The following JADE1 variants were observed in gnomAD, a reference collection of about 807,000 sequenced individuals.
JADE1 encodes protein Jade-1.
In JADE1, 14 loss-of-function variants were observed where a neutral mutation model predicts 81.8. The observed-to-expected ratio is 0.17, with a 90% CI of 0.11 to 0.27. The LOEUF (loss-of-function observed/expected upper bound fraction) is 0.27. Ranked by LOEUF, JADE1 falls within the 10% of genes least tolerant of loss-of-function variation. The probability of loss-of-function intolerance (pLI) is 1.00; values close to 1 mark genes in which losing one functional copy is unlikely to be tolerated. For missense variants in JADE1, 690 were observed against 1,047.9 expected (o/e 0.66, Z 4.71); for synonymous variants, 353 against 391.9 (o/e 0.90, Z 1.17).
chr4:128,866,099 A>C (rs929881845), intron 9 of JADE1, among the ~76,000 whole-genome samples: 2 of 152,162 alleles, frequency 1.3e-5, no homozygotes, highest in African/African-American at 4.8e-5. Flanking sequence ...CGAAGAGAGG[A>C]GGATGTTAGC....
At chr4:128,838,668 C>T (rs1269760559) in intron 2 of JADE1, among the ~76,000 whole-genome samples, 1 of 152,196 alleles carries the variant, frequency 6.6e-6, no homozygotes, top group East Asian at 1.9e-4. Flanking sequence ...ATTCTAATTT[C>T]TGGTTTGACC....
intron 1 of JADE1, among the ~76,000 whole-genome samples, chr4:128,829,515 G>A (rs1162028310): frequency 6.6e-6 from 1 of 152,182 alleles, no homozygotes; most frequent in African/African-American, 2.4e-5. Flanking sequence ...GATGAATTGT[G>A]TAGATCCATT....
chr4:128,855,865 C>CTGGA, intron 7 of JADE1, 68 bp downstream of exon 7: 1 of 1,412,380 alleles, frequency 7.1e-7, no homozygotes. Context: ...GTCGCCCAGG[C>CTGGA]TGGAGTGCAG....
rs1465333824 is a variant in JADE1 at position 128,852,259 on chromosome 4, T to C, written c.687T>C (p.Cys229=). 1 of 1,613,824 alleles carries C rather than the reference T, an allele frequency of 6.2e-7. No homozygotes were observed. Among genetic ancestry groups the C allele is most frequent in the Admixed American group, 1.7e-5 (1 of 60,016 alleles). The part of the protein sequence containing the change: ...EMVFCDKCNI[C]VHQACYGILK... Reference sequence around the variant, plus strand: ...TGTTCTGTGACAAATGCAACATCTGTGTGCACCAGGTATGTGGGGCAGGGA... The same window carrying C: ...TGTTCTGTGACAAATGCAACATCTGCGTGCACCAGGTATGTGGGGCAGGGA... The change falls in exon 6 of 11, where the codon TGT becomes TGC. Residue 229 remains cysteine (C), a synonymous_variant. Transcript: ENST00000226319.
intron 8 of JADE1, among the ~76,000 whole-genome samples, chr4:128,859,025 GGT>G (rs1731047211): frequency 6.6e-6 from 1 of 152,206 alleles, no homozygotes; most frequent in Admixed American, 6.5e-5. Flanking sequence ...TGAGACAGCT[GGT>G]GGGATTTGGC....
At chr4:128,825,928 C>G (rs1301527002) in intron 1 of JADE1, among the ~76,000 whole-genome samples, 1 of 152,206 alleles carries the variant, frequency 6.6e-6, no homozygotes, top group African/African-American at 2.4e-5. Context: ...TGGTGCATCT[C>G]TTCGTGCAGT....
intron 3 of JADE1, among the ~76,000 whole-genome samples, chr4:128,843,628 T>G (rs1729632668): frequency 6.6e-6 from 1 of 152,240 alleles, no homozygotes; most frequent in Non-Finnish European, 1.5e-5. Flanking sequence ...TTAGGGGTCC[T>G]TATGAGACCT....
chr4:128,824,919 C>T (rs1196528320), intron 1 of JADE1, among the ~76,000 whole-genome samples: 1 of 152,176 alleles, frequency 6.6e-6, no homozygotes, highest in Non-Finnish European at 1.5e-5. Context: ...TAAATGGGCC[C>T]TGTTCCACCA....
At chr4:128,862,250 T>C (rs746282807) in intron 9 of JADE1, 25 bp downstream of exon 9, 7 of 1,613,472 alleles carry the variant, frequency 4.3e-6, no homozygotes, top group Non-Finnish European at 4.2e-6. Flanking sequence ...TGACACCTTA[T>C]AGTGACTTAG....
intron 2 of JADE1, among the ~76,000 whole-genome samples, chr4:128,840,617 T>C (rs1729354277): frequency 6.6e-6 from 1 of 152,134 alleles, no homozygotes. Context: ...GAGGCCTCTT[T>C]ATAGACCCTA....
At chr4:128,848,844 A>G (rs1037985243) in intron 4 of JADE1, 136 bp from the exon 5 acceptor site, 5 of 751,690 alleles carry the variant, frequency 6.7e-6, no homozygotes, top group Non-Finnish European at 1.1e-5. Context: ...ATTAGCAGTG[A>G]CATTCAGGTT....
intron 2 of JADE1, among the ~76,000 whole-genome samples, chr4:128,832,422 C>T (rs1028031736): frequency 2.0e-5 from 3 of 152,208 alleles, no homozygotes; most frequent in Admixed American, 1.3e-4. Flanking sequence ...AGCTAACAGA[C>T]TACTCAGAGA....
chr4:128,816,697 A>G (rs1458777615), intron 1 of JADE1, among the ~76,000 whole-genome samples: 1 of 152,266 alleles, frequency 6.6e-6, no homozygotes, highest in African/African-American at 2.4e-5. Flanking sequence ...CGATGTGCAC[A>G]CAGTAAATGT....
At chr4:128,819,292 G>A (rs1727339060) in intron 1 of JADE1, among the ~76,000 whole-genome samples, 1 of 151,472 alleles carries the variant, frequency 6.6e-6, no homozygotes, top group African/African-American at 2.4e-5. Context: ...TTTTTTGGGG[G>A]GCAGGCTCTC....
At chr4:128,843,930 G>A (rs968867482) in intron 3 of JADE1, among the ~76,000 whole-genome samples, 4 of 152,176 alleles carry the variant, frequency 2.6e-5, no homozygotes, top group Admixed American at 2.6e-4. Context: ...CCTCCATGAG[G>A]AAGTAGTTTA....
intron 5 of JADE1, among the ~76,000 whole-genome samples, chr4:128,850,029 C>T (rs925082685): frequency 2.0e-5 from 3 of 152,128 alleles, no homozygotes; most frequent in Non-Finnish European, 4.4e-5. Flanking sequence ...CTTGTTGGCT[C>T]ATGTCTGTAA....
At chr4:128,847,010 CAGTT>C (rs1243774811) in intron 4 of JADE1, among the ~76,000 whole-genome samples, 3 of 152,174 alleles carry the variant, frequency 2.0e-5, no homozygotes, top group African/African-American at 7.2e-5. Flanking sequence ...GGAGACCTGT[CAGTT>C]AGGGTTTGTG....
intron 9 of JADE1, chr4:128,862,780 C>G: frequency 1.0e-6 from 1 of 1,003,010 alleles, no homozygotes; most frequent in South Asian, 4.1e-5. Flanking sequence ...CCAGTACTGT[C>G]ATGGAGCAGA....
chr4:128,861,013 G>T (rs1478582354), intron 8 of JADE1, among the ~76,000 whole-genome samples: 1 of 152,032 alleles, frequency 6.6e-6, no homozygotes, highest in East Asian at 1.9e-4. Context: ...TTTCTCCTTC[G>T]TGCTGCTTCA....
Sources: allele counts gnomAD v4.1 joint callset (sites outside exome capture counted in the v4.1 genomes callset), GRCh38; gene constraint gnomAD v4.1.1; transcripts MANE v1.5; gene names NCBI Gene and HGNC (gene_info 2026-07-23, HGNC 2026-07-21).